The following ACBD6 variants were observed in gnomAD, a reference collection of about 807,000 sequenced individuals.
The protein encoded by ACBD6 is acyl-CoA binding domain containing 6.
In ACBD6, 28 loss-of-function variants were observed where a neutral mutation model predicts 37.2. The ratio of observed to expected loss-of-function variants is 0.75; its 90% CI spans 0.56 to 1.03. The LOEUF is 1.03. Among genes scored for constraint, ACBD6 ranks in the 50% least tolerant of loss-of-function variants. The pLI, the probability that ACBD6 is intolerant of heterozygous loss-of-function variation, is 0.00. For missense variants in ACBD6, 340 were observed against 337.4 expected, an observed-to-expected ratio of 1.01 and a Z score of -0.06; for synonymous variants, 113 against 126.8, an observed-to-expected ratio of 0.89 and a Z score of 0.73.
chr1:180,378,235 C>A (rs1653512516), intron 6 of ACBD6, among the ~76,000 whole-genome samples: 1 of 152,066 alleles, frequency 6.6e-6, no homozygotes, highest in Admixed American at 6.6e-5. Flanking sequence ...TAATTCCAAT[C>A]AAGAGAAAAC....
chr1:180,467,448 C>CAAAAAAAAAAAAAAAAAAAAAAA (rs57941230), intron 3 of ACBD6, among the ~76,000 whole-genome samples: 38 of 72,536 alleles, frequency 5.2e-4, no homozygotes, highest in Non-Finnish European at 8.0e-4. Context: ...TCCATCTCTG[C>CAAAAAAAAAAAAAAAAAAAAAAA]AAAAAAAAAA....
chr1:180,481,754 G>A (rs1347785896), intron 3 of ACBD6, among the ~76,000 whole-genome samples: 1 of 152,184 alleles, frequency 6.6e-6, no homozygotes, highest in Non-Finnish European at 1.5e-5. Flanking sequence ...CACTCTAAGA[G>A]AGAAATATAA....
At chr1:180,396,795 C>T (rs1006247484) in intron 6 of ACBD6, among the ~76,000 whole-genome samples, 3 of 151,994 alleles carry the variant, frequency 2.0e-5, no homozygotes, top group African/African-American at 7.2e-5. Flanking sequence ...GCAAAAATAA[C>T]AAGTATTGGT....
chr1:180,338,933 C>T (rs1205947738), intron 6 of ACBD6, among the ~76,000 whole-genome samples: 1 of 152,182 alleles, frequency 6.6e-6, no homozygotes, highest in Non-Finnish European at 1.5e-5. Flanking sequence ...TGAAAAGATG[C>T]TTATCATCAC....
At chr1:180,359,984 TA>T (rs1489521844) in intron 6 of ACBD6, among the ~76,000 whole-genome samples, 2 of 152,206 alleles carry the variant, frequency 1.3e-5, no homozygotes, top group Non-Finnish European at 2.9e-5. Context: ...AAAATCAGAA[TA>T]TCAAACTTAC....
Position 180,429,088 on chromosome 1 carries a change from G to C in ACBD6, c.467+1092C>G, listed in dbSNP as rs556872362. 2.0e-5 allele frequency among the ~76,000 whole-genome samples: 3 copies of C among 152,268 alleles called. No individual in the cohort carries two copies. The South Asian group carries it at 6.2e-4, about 32-fold the overall frequency. On this transcript the variant is annotated intron_variant, in intron 4 of 7. Transcript: ENST00000367595. The stretch of plus-strand genomic sequence containing the variant: ...TCAGATAGTGAGAATGCAAAGATGG[G>C]TAAAATATGATCTTCACTATCAAAA...
At chr1:180,293,782 C>G (rs976590508) in intron 7 of ACBD6, among the ~76,000 whole-genome samples, 3 of 151,994 alleles carry the variant, frequency 2.0e-5, no homozygotes, top group African/African-American at 7.3e-5. Context: ...GTTGCCCTAG[C>G]TAGATGTAGT....
intron 6 of ACBD6, among the ~76,000 whole-genome samples, chr1:180,382,299 A>G (rs1444497092): frequency 6.6e-6 from 1 of 152,034 alleles, no homozygotes. Context: ...GAAGTTAATA[A>G]ACCAATTGCT....
chr1:180,482,480 A>G (rs1651091805), intron 3 of ACBD6, among the ~76,000 whole-genome samples: 1 of 151,976 alleles, frequency 6.6e-6, no homozygotes, highest in Admixed American at 6.6e-5. Context: ...ATCCCGAGTA[A>G]ATATAAAAGT....
chr1:180,406,948 G>T (rs1236749579), intron 5 of ACBD6, among the ~76,000 whole-genome samples: 4 of 152,156 alleles, frequency 2.6e-5, no homozygotes. Flanking sequence ...TTAACTAGAA[G>T]TTTAATTTTG....
chr1:180,453,973 C>T (rs1369966581), intron 3 of ACBD6, among the ~76,000 whole-genome samples: 1 of 152,098 alleles, frequency 6.6e-6, no homozygotes, highest in African/African-American at 2.4e-5. Context: ...AGATTCAATG[C>T]TATCCCCATC....
chr1:180,500,125 T>A (rs1403342197), intron 1 of ACBD6, among the ~76,000 whole-genome samples: 7 of 147,766 alleles, frequency 4.7e-5, no homozygotes, highest in Admixed American at 3.4e-4. Context: ...AAAAAAACTT[T>A]TTTAGTTAAA....
intron 6 of ACBD6, among the ~76,000 whole-genome samples, chr1:180,326,120 A>G (rs1651251599): frequency 6.6e-6 from 1 of 152,122 alleles, no homozygotes; most frequent in African/African-American, 2.4e-5. Flanking sequence ...GAAGCAAGTT[A>G]CCCCAGGCCC....
intron 7 of ACBD6, among the ~76,000 whole-genome samples, chr1:180,311,732 T>C (rs938267182): frequency 6.6e-6 from 1 of 152,226 alleles, no homozygotes; most frequent in Non-Finnish European, 1.5e-5. Context: ...AGTCTCCACA[T>C]CACTGACCTG....
At chr1:180,271,725 G>A in exon 14 of ACBD6, 2 of 1,355,778 alleles carry the variant, frequency 1.5e-6, no homozygotes, top group Non-Finnish European at 2.1e-6. Context: ...TCCCAGACCT[G>A]TGCTCCATTC....
At position 180,380,396 on chromosome 1, in the gene ACBD6, C is replaced by T. The variant is rs78603738; in HGVS notation, c.663+17120G>A. ...AACAAATTTCTCAGTAGAAACCTTA[C>T]AGGCCAGGAGAGAATTGGATGATAT... On this transcript the variant is annotated intron_variant, in intron 6 of 7. Coordinates refer to ENST00000367595, the MANE Select transcript of ACBD6 (RefSeq NM_032360.4). Among the ~76,000 whole-genome samples the T allele has an allele frequency of 3.6e-3, 546 of 152,184 alleles. 8 individuals carry two copies. Among genetic ancestry groups the T allele is most frequent in the African/African-American group, 0.012 (499 of 41,514 alleles).
intron 6 of ACBD6, among the ~76,000 whole-genome samples, chr1:180,394,060 A>G (rs116159598): frequency 0.015 from 2,282 of 152,274 alleles, 71 homozygotes; most frequent in African/African-American, 0.052. Context: ...TCCATATACA[A>G]TACCTCCAAA....
chr1:180,291,157 T>C (rs1025913279), intron 7 of ACBD6, among the ~76,000 whole-genome samples: 22 of 152,358 alleles, frequency 1.4e-4, no homozygotes, highest in African/African-American at 4.8e-4. Context: ...CTTCCAATTT[T>C]TGGCATTATG....
intron 3 of ACBD6, among the ~76,000 whole-genome samples, chr1:180,442,739 A>T (rs1177808470): frequency 1.3e-5 from 2 of 152,168 alleles, no homozygotes; most frequent in Non-Finnish European, 2.9e-5. Flanking sequence ...TGCAATGTCT[A>T]ATCTGCTGTT....
Sources: gnomAD v4.1 joint callset for allele counts (sites outside exome capture counted in the v4.1 genomes callset) on GRCh38, gnomAD v4.1.1 for gene constraint, MANE v1.5 for transcripts, NCBI Gene and HGNC (gene_info 2026-07-23, HGNC 2026-07-21) for gene names.